NLRC5: variants seen among roughly 807,000 people sequenced by gnomAD.
NLRC5 encodes the protein NLR family CARD domain containing 5.
In NLRC5, 114 loss-of-function variants were observed where a neutral mutation model predicts 206.9. That is an observed-to-expected ratio of 0.55 (90% CI 0.47 to 0.64). The LOEUF (loss-of-function observed/expected upper bound fraction) is 0.64. Among genes scored for constraint, NLRC5 ranks in the 30% least tolerant of loss-of-function variants. The pLI, the probability that NLRC5 is intolerant of heterozygous loss-of-function variation, is 0.00. For missense variants in NLRC5, 2,008 were observed against 2,305.5 expected, an observed-to-expected ratio of 0.87 and a Z score of 2.64; for synonymous variants, 952 against 962.8, an observed-to-expected ratio of 0.99 and a Z score of 0.21.
intron 15 of NLRC5, among the ~76,000 whole-genome samples, chr16:57,038,963 G>C (rs2062948101): frequency 6.7e-6 from 1 of 149,934 alleles, no homozygotes; most frequent in African/African-American, 2.5e-5. Context: ...AAAAAAGAGA[G>C]AGCATGGTAT....
chr16:57,080,984 C>A, intron 46 of NLRC5, 114 bp from the exon 47 acceptor site: 1 of 885,310 alleles, frequency 1.1e-6, no homozygotes, highest in Non-Finnish European at 1.8e-6. Flanking sequence ...GGTGGCCTCT[C>A]TTGAAAACCC....
At chr16:57,059,687 G>A (rs1175055950) in intron 30 of NLRC5, among the ~76,000 whole-genome samples, 155 bp downstream of exon 30, 7 of 152,158 alleles carry the variant, frequency 4.6e-5, no homozygotes, top group African/African-American at 1.7e-4. Flanking sequence ...ATCTGCCCCC[G>A]ATGCCCTGGT....
intron 29 of NLRC5, 58 bp from the exon 30 acceptor site, chr16:57,059,409 G>T: frequency 6.4e-7 from 1 of 1,560,326 alleles, no homozygotes; most frequent in African/African-American, 1.4e-5. Context: ...GGTGCCCTAG[G>T]TGCCTAGGAA....
chr16:57,014,512 G>A (rs1168097194), intron 1 of NLRC5, among the ~76,000 whole-genome samples: 3 of 152,216 alleles, frequency 2.0e-5, no homozygotes, highest in African/African-American at 2.4e-5. Context: ...TAACTTCAGC[G>A]GTTTTATTAT....
At chr16:57,056,435 C>T (rs2065670526) in intron 27 of NLRC5, among the ~76,000 whole-genome samples, 1 of 152,178 alleles carries the variant, frequency 6.6e-6, no homozygotes, top group African/African-American at 2.4e-5. Flanking sequence ...GGACTACAGG[C>T]ACACACCAAC....
intron 2 of NLRC5, among the ~76,000 whole-genome samples, chr16:57,020,144 T>TAGA (rs1365304286): frequency 6.6e-6 from 1 of 152,022 alleles, no homozygotes; most frequent in Admixed American, 6.6e-5. Context: ...TTGACTTCCC[T>TAGA]AGAAACTCCC....
chr16:57,066,519 C>G lies in NLRC5; in HGVS notation c.4242-15C>G, dbSNP rs772296253. The G allele has an allele frequency of 6.2e-7, 1 of 1,613,674 alleles. No homozygotes were observed. Among genetic ancestry groups the G allele is most frequent in the Non-Finnish European group, 8.5e-7 (1 of 1,179,752 alleles). ...AGGCTGCCCGACCTCACGTTGGTTA[C>G]TGCTCACTCCTCAGCATCTCCGAGA... On this transcript the variant is annotated splice_polypyrimidine_tract_variant and intron_variant, in intron 33 of 48. Transcript: ENST00000688547.
chr16:57,037,058 G>C (rs2062677549), intron 14 of NLRC5, 137 bp from the exon 15 acceptor site: 1 of 735,014 alleles, frequency 1.4e-6, no homozygotes, highest in South Asian at 1.5e-5. Context: ...AGAATCCTTT[G>C]AGATCCCCTG....
chr16:57,039,566 A>G (rs202130240), intron 15 of NLRC5, among the ~76,000 whole-genome samples: 1 of 126,514 alleles, frequency 7.9e-6, no homozygotes, highest in Non-Finnish European at 1.7e-5. Flanking sequence ...TTTTTTTTTT[A>G]ATTAGCTGGG....
Position 57,058,055 on chromosome 16 carries a change from C to A in NLRC5, c.3747-10C>A. The A allele has an allele frequency of 6.2e-7, 1 of 1,609,918 alleles. No homozygotes were observed. Among genetic ancestry groups the A allele is most frequent in the Non-Finnish European group, 8.5e-7 (1 of 1,177,808 alleles). On this transcript the variant is annotated splice_polypyrimidine_tract_variant and intron_variant, in intron 27 of 48. Coordinates refer to ENST00000688547, the MANE Select transcript of NLRC5 (RefSeq NM_001384950.1). The stretch of plus-strand genomic sequence containing the variant: ...CTCTGATCCCCGCCACTGCTCCTTA[C>A]CCCCTACAGTCTCTCAGCAAACCTG...
At chr16:57,072,276 G>A (rs767708441) in intron 38 of NLRC5, among the ~76,000 whole-genome samples, 2 of 152,122 alleles carry the variant, frequency 1.3e-5, no homozygotes, top group Admixed American at 6.6e-5. Context: ...TCTCTCTGTG[G>A]TTACAACAAA....
At chr16:57,011,993 C>T (rs1328524832) in intron 1 of NLRC5, among the ~76,000 whole-genome samples, 1 of 152,194 alleles carries the variant, frequency 6.6e-6, no homozygotes, top group Non-Finnish European at 1.5e-5. Context: ...TCACCACAAT[C>T]TGGTTTTGGG....
chr16:57,012,715 A>G (rs1034571592), intron 1 of NLRC5, among the ~76,000 whole-genome samples: 2 of 152,178 alleles, frequency 1.3e-5, no homozygotes, highest in Non-Finnish European at 2.9e-5. Flanking sequence ...GGAAAAAATG[A>G]TCTCTCATGA....
In NLRC5 at chr16:57,022,538, C is replaced by G. The variant is rs542835674; in HGVS notation, c.355+223C>G. ...TGACTTTCAAGGCTTTAGCTTGTCC[C>G]GTTACCAATTCTAAAGGGTCTAACC... On this transcript the variant is annotated intron_variant, in intron 4 of 48. Coordinates refer to ENST00000688547, the MANE Select transcript of NLRC5 (RefSeq NM_001384950.1). 3.3e-4 allele frequency among the ~76,000 whole-genome samples: 51 copies of G among 152,358 alleles called. No individual in the cohort carries two copies. The East Asian group carries it at 8.1e-3, about 24-fold the overall frequency.
Position 57,058,131 on chromosome 16 carries a change from C to A in NLRC5, c.3813C>A (p.Pro1271=). The change falls in exon 28 of 49, where the codon CCC becomes CCA. Residue 1271 remains proline, a synonymous_variant. Transcript: ENST00000688547. The stretch of plus-strand genomic sequence containing the variant: ...TTCTGGAATGTCTGCCGCAGGTGCC[C>A]ATCTCCGGTTTGCTTGAGTAAGTGG... ...RCLLECLPQV[P]ISGLLDLSHN... is the part of the protein sequence containing the mutation. 6.2e-7 allele frequency: 1 copy of A among 1,609,218 alleles called. No homozygotes were observed. The highest frequency in any genetic ancestry group is 8.5e-7 in the Non-Finnish European group (1 of 1,177,254).
At chr16:57,071,468 A>G (rs2067752947) in intron 38 of NLRC5, among the ~76,000 whole-genome samples, 2 of 136,708 alleles carry the variant, frequency 1.5e-5, no homozygotes, top group South Asian at 5.0e-4. Context: ...GTTGGTGGTT[A>G]ATGGGGAAGG....
chr16:57,026,801 G>T lies in NLRC5; in HGVS notation c.1858G>T (p.Asp620Tyr). The T allele has an allele frequency of 1.2e-6, 2 of 1,614,058 alleles. No homozygotes were observed. Among genetic ancestry groups the T allele is most frequent in the Non-Finnish European group, 8.5e-7 (1 of 1,179,962 alleles). ...PKVVELCHCV[D>Y]ETQEPELASL... is the part of the protein sequence containing the mutation. ...GGTTGTAGAGCTGTGTCACTGTGTG[G>T]ATGAGACACAGGAGCCTGAGCTGGC... is the stretch of plus-strand genomic sequence containing the variant. Residue 620 changes from aspartate (D) to tyrosine (Y), a missense_variant, in exon 6 of 49, where the codon GAT becomes TAT. Asp to Tyr is a radical substitution (Grantham distance 160). Transcript: ENST00000688547.
At position 57,043,533 on chromosome 16, in the gene NLRC5, G is replaced by T. The variant is rs1356373469; in HGVS notation, c.3132G>T (p.Leu1044Phe). 1 of 1,613,920 alleles carries T rather than the reference G, an allele frequency of 6.2e-7. No individual in the cohort carries two copies. Among genetic ancestry groups the T allele is most frequent in the Admixed American group, 1.7e-5 (1 of 59,998 alleles). Residue 1044 changes from leucine to phenylalanine, a missense_variant, in exon 20 of 49, where the codon TTG becomes TTT. By Grantham distance (22) the Leu-to-Phe change is conservative. Transcript: ENST00000688547. ...LQSLNLSENGLSLDAVLGLVR... is the reference protein window; with the variant it reads ...LQSLNLSENGFSLDAVLGLVR... Reference sequence around the variant, plus strand: ...TCTCCAGCCTCAGTGAGAACGGTTTGTCCCTGGATGCCGTGTTGGGTTTGG... The same window carrying T: ...TCTCCAGCCTCAGTGAGAACGGTTTTTCCCTGGATGCCGTGTTGGGTTTGG...
At chr16:57,044,172 G>C (rs959997792) in intron 20 of NLRC5, among the ~76,000 whole-genome samples, 1 of 151,224 alleles carries the variant, frequency 6.6e-6, no homozygotes, top group South Asian at 2.1e-4. Context: ...GTATCTGGGC[G>C]TGGTTGTGAG....
Sources: gnomAD v4.1 joint callset for allele counts (sites outside exome capture counted in the v4.1 genomes callset) on GRCh38, gnomAD v4.1.1 for gene constraint, MANE v1.5 for transcripts, NCBI Gene and HGNC (gene_info 2026-07-23, HGNC 2026-07-21) for gene names.